The following PDE7A variants were observed in gnomAD, a reference collection of about 807,000 sequenced individuals.
PDE7A encodes phosphodiesterase 7A, also known as high affinity 3',5'-cyclic-AMP phosphodiesterase 7A.
In PDE7A, 39 loss-of-function variants were observed where a neutral mutation model predicts 64.3. That is an observed-to-expected ratio of 0.61 (90% CI 0.47 to 0.79). The LOEUF (loss-of-function observed/expected upper bound fraction) is 0.79. PDE7A is among the 30% of genes least tolerant of loss of function. The pLI is 0.00. For missense variants in PDE7A, 470 were observed against 582.8 expected, an observed-to-expected ratio of 0.81 and a Z score of 1.99; for synonymous variants, 203 against 206.8, an observed-to-expected ratio of 0.98 and a Z score of 0.16.
chr8:65,723,406 G>C (rs1806473499), intron 12 of PDE7A, 135 bp downstream of exon 12: 8 of 852,810 alleles, frequency 9.4e-6, no homozygotes, highest in Admixed American at 4.3e-5. Flanking sequence ...GGGAAAACAA[G>C]GGTAAAATTT....
At chr8:65,744,852 A>G (rs1807599847) in intron 5 of PDE7A, among the ~76,000 whole-genome samples, 1 of 152,264 alleles carries the variant, frequency 6.6e-6, no homozygotes, top group South Asian at 2.1e-4. Context: ...ACAATAATCA[A>G]AACATAAAAT....
Position 65,753,621 on chromosome 8 carries a change from A to T in PDE7A, c.284-5818T>A, listed in dbSNP as rs114143134. Reference sequence around the variant, plus strand: ...AAGAATTTGTGTTCTGCTGTTGAGTACTCTGTGTCTGTTACCTCTAACTGG... The same window carrying T: ...AAGAATTTGTGTTCTGCTGTTGAGTTCTCTGTGTCTGTTACCTCTAACTGG... On this transcript the variant is annotated intron_variant, in intron 3 of 12. Coordinates refer to ENST00000401827, the MANE Select transcript of PDE7A (RefSeq NM_001242318.3). Among the ~76,000 whole-genome samples the T allele has an allele frequency of 3.4e-3, 508 of 151,408 alleles. 3 individuals carry two copies. Among genetic ancestry groups the T allele is most frequent in the African/African-American group, 0.011 (470 of 41,384 alleles).
chr8:65,727,318 GAATAA>G lies in PDE7A; in HGVS notation c.697-22_697-18del. 3 of 1,611,956 alleles carry G rather than the reference GAATAA, an allele frequency of 1.9e-6. No homozygotes were observed. Among genetic ancestry groups the G allele is most frequent in the African/African-American group, 1.3e-5 (1 of 74,992 alleles). On this transcript the variant is annotated intron_variant, in intron 7 of 12. Transcript: ENST00000401827. ...ATTGGCAAGCTGAAGTGTGACAAAA[GAATAA>G]TGAATCACAGATATATCTAAAATAA...
intron 7 of PDE7A, among the ~76,000 whole-genome samples, chr8:65,729,223 A>G (rs1585833295): frequency 6.6e-6 from 1 of 152,180 alleles, no homozygotes; most frequent in African/African-American, 2.4e-5. Context: ...AGCCATCATT[A>G]GGGTTCTTTT....
chr8:65,842,014 C>T lies in PDE7A; in HGVS notation c.-506G>A. 4.2e-6 allele frequency: 1 copy of T among 236,058 alleles called. No homozygotes were observed. 14.6% of individuals were successfully genotyped at this position (236,058 alleles called of 1,614,324 possible). On this transcript the variant is annotated 5_prime_UTR_variant, in exon 1 of 13. Transcript: ENST00000401827. ...CCGCCGGAGTCCTGCTCCTCCCCTC[C>T]CCCGGAGCCTGACTTCACTCCGCCG... is the stretch of plus-strand genomic sequence containing the variant.
chr8:65,726,814 T>A, intron 9 of PDE7A, 61 bp downstream of exon 9: 1 of 858,582 alleles, frequency 1.2e-6, no homozygotes, highest in Non-Finnish European at 1.9e-6. Flanking sequence ...TTTATAAAAT[T>A]ACTTTGCCAA....
At chr8:65,742,379 C>T (rs1807480528) in intron 5 of PDE7A, among the ~76,000 whole-genome samples, 1 of 152,152 alleles carries the variant, frequency 6.6e-6, no homozygotes, top group Non-Finnish European at 1.5e-5. Flanking sequence ...ACTTAACTCC[C>T]TCAATCCTAC....
At chr8:65,777,137 C>CAAT (rs1359035948) in intron 3 of PDE7A, among the ~76,000 whole-genome samples, 1 of 136,064 alleles carries the variant, frequency 7.3e-6, no homozygotes, top group Non-Finnish European at 1.5e-5. Flanking sequence ...GACTGGAGTG[C>CAAT]AATGCAATCC....
chr8:65,720,159 A>C (rs375083621), intron 12 of PDE7A, among the ~76,000 whole-genome samples: 70 of 152,358 alleles, frequency 4.6e-4, no homozygotes, highest in African/African-American at 1.6e-3. Flanking sequence ...TCAGAAAAGG[A>C]AAATGAGTGA....
chr8:65,796,470 C>A (rs769417526), intron 1 of PDE7A, among the ~76,000 whole-genome samples: 13 of 152,010 alleles, frequency 8.6e-5, no homozygotes, highest in Non-Finnish European at 1.8e-4. Flanking sequence ...ATTAGTAAAT[C>A]AAATCCATTA....
At chr8:65,825,894 C>T (rs952901067) in intron 1 of PDE7A, among the ~76,000 whole-genome samples, 3 of 151,998 alleles carry the variant, frequency 2.0e-5, no homozygotes, top group Admixed American at 6.6e-5. Flanking sequence ...TAGAGACATA[C>T]AAATCAAATT....
At chr8:65,817,681 G>A (rs1296212319) in intron 1 of PDE7A, among the ~76,000 whole-genome samples, 2 of 151,626 alleles carry the variant, frequency 1.3e-5, no homozygotes, top group Admixed American at 1.3e-4. Flanking sequence ...ATCGGACTCA[G>A]GTTATAGGTT....
At chr8:65,806,670 T>C (rs1810122642) in intron 1 of PDE7A, among the ~76,000 whole-genome samples, 1 of 152,266 alleles carries the variant, frequency 6.6e-6, no homozygotes, top group South Asian at 2.1e-4. Context: ...GAATGTTCCA[T>C]ACACGTGTTA....
At chr8:65,819,699 CAA>C (rs1810493808) in intron 1 of PDE7A, among the ~76,000 whole-genome samples, 1 of 152,136 alleles carries the variant, frequency 6.6e-6, no homozygotes, top group Admixed American at 6.5e-5. Context: ...TTCCCATTGA[CAA>C]AAGTTAGTAA....
At chr8:65,781,345 G>A (rs1483370194) in intron 2 of PDE7A, among the ~76,000 whole-genome samples, 1 of 151,992 alleles carries the variant, frequency 6.6e-6, no homozygotes, top group African/African-American at 2.4e-5. Flanking sequence ...ACTGGTGGGG[G>A]TGGGGTGGAG....
chr8:65,723,685 A>T, intron 11 of PDE7A, 64 bp from the exon 12 acceptor site: 1 of 1,145,162 alleles, frequency 8.7e-7, no homozygotes, highest in Non-Finnish European at 1.2e-6. Flanking sequence ...ATATAATTAA[A>T]GGCTTGAACA....
At chr8:65,796,683 A>G (rs568605493) in intron 1 of PDE7A, among the ~76,000 whole-genome samples, 5 of 152,176 alleles carry the variant, frequency 3.3e-5, no homozygotes, top group Non-Finnish European at 5.9e-5. Context: ...TAAGAATAAA[A>G]GAAAACTTCT....
chr8:65,802,353 C>T (rs1354086528), intron 1 of PDE7A, among the ~76,000 whole-genome samples: 2 of 152,084 alleles, frequency 1.3e-5, no homozygotes, highest in Non-Finnish European at 2.9e-5. Context: ...CATATTTTAC[C>T]ACAATAAAAA....
intron 12 of PDE7A, chr8:65,720,352 G>A (rs1040882163): frequency 6.5e-6 from 1 of 154,094 alleles, no homozygotes; most frequent in Non-Finnish European, 1.5e-5. Context: ...TAAGAATGGG[G>A]AAAATATACA....
Sources: gnomAD v4.1 joint callset for allele counts (sites outside exome capture counted in the v4.1 genomes callset) on GRCh38, gnomAD v4.1.1 for gene constraint, MANE v1.5 for transcripts, NCBI Gene and HGNC (gene_info 2026-07-23, HGNC 2026-07-21) for gene names.